Variants in ERC2 observed in about 807,000 individuals in gnomAD.
ERC2 encodes the protein ELKS/RAB6-interacting/CAST family member 2.
In ERC2, 42 loss-of-function variants were observed where a neutral mutation model predicts 114.8. The observed-to-expected ratio is 0.37, with a 90% CI of 0.29 to 0.47. ERC2 has a LOEUF of 0.47. ERC2 is among the 20% of genes least tolerant of loss of function. The probability of loss-of-function intolerance (pLI) is 0.99; values close to 1 mark genes in which losing one functional copy is unlikely to be tolerated. For synonymous variants in ERC2, 454 were observed against 425.5 expected (o/e 1.07, Z -0.82); for missense variants, 939 against 1,150.7 (o/e 0.82, Z 2.66).
intron 17 of ERC2, among the ~76,000 whole-genome samples, chr3:55,603,918 C>T (rs1380895764): frequency 6.6e-6 from 1 of 151,990 alleles, no homozygotes; most frequent in Non-Finnish European, 1.5e-5. Context: ...TGAATAAAGA[C>T]AGTAAAAATA....
intron 14 of ERC2, among the ~76,000 whole-genome samples, chr3:55,812,425 A>G (rs2149130061): frequency 6.6e-6 from 1 of 152,368 alleles, no homozygotes; most frequent in African/African-American, 2.4e-5. Flanking sequence ...AATTATAAAT[A>G]TAAACTAATC....
intron 17 of ERC2, among the ~76,000 whole-genome samples, chr3:55,672,852 CGG>C (rs1322927410): frequency 2.0e-5 from 3 of 152,198 alleles, no homozygotes; most frequent in Admixed American, 6.5e-5. Context: ...CTGCAGGCTT[CGG>C]GGCGTAGGAG....
At chr3:55,600,003 G>A (rs2148524724) in intron 17 of ERC2, among the ~76,000 whole-genome samples, 1 of 152,232 alleles carries the variant, frequency 6.6e-6, no homozygotes, top group East Asian at 1.9e-4. Flanking sequence ...AAAATGGAAG[G>A]GAATTGACCA....
intron 1 of ERC2, among the ~76,000 whole-genome samples, chr3:56,450,600 G>A (rs2062784796): frequency 6.6e-6 from 1 of 152,164 alleles, no homozygotes; most frequent in Admixed American, 6.5e-5. Context: ...ACCAAGGTGG[G>A]AGGATCACTT....
chr3:55,700,993 G>A (rs1388847724), intron 15 of ERC2, among the ~76,000 whole-genome samples: 1 of 152,132 alleles, frequency 6.6e-6, no homozygotes, highest in Middle Eastern at 3.2e-3. Flanking sequence ...ACGGAGAGTT[G>A]AGGACATTTC....
At position 55,717,492 on chromosome 3, in the gene ERC2, C is replaced by T. The variant is rs577511451; in HGVS notation, c.2712+17279G>A. On this transcript the variant is annotated intron_variant, in intron 15 of 17. Coordinates refer to ENST00000288221, the MANE Select transcript of ERC2 (RefSeq NM_015576.3). ...CCCTCAGGGATGCCTCTCTGGGGTC[C>T]AGGGAAGCTTTCATGCCCGTAAAGA... is the stretch of plus-strand genomic sequence containing the variant. 7.9e-5 allele frequency among the ~76,000 whole-genome samples: 12 copies of T among 152,290 alleles called. No homozygotes were observed. In the South Asian group the frequency reaches 2.5e-3, roughly 32 times the overall value.
chr3:56,081,636 A>G (rs2077237935), intron 6 of ERC2, among the ~76,000 whole-genome samples: 1 of 152,174 alleles, frequency 6.6e-6, no homozygotes, highest in Admixed American at 6.5e-5. Context: ...TTTAAAAAAA[A>G]TATAATTCCT....
chr3:55,841,827 T>C (rs970836844), intron 14 of ERC2, among the ~76,000 whole-genome samples: 12 of 152,180 alleles, frequency 7.9e-5, no homozygotes, highest in African/African-American at 2.9e-4. Flanking sequence ...GGCCGCATAG[T>C]GTTGGGGATC....
chr3:56,105,025 G>T (rs1265686125), intron 6 of ERC2, among the ~76,000 whole-genome samples: 2 of 152,158 alleles, frequency 1.3e-5, no homozygotes, highest in Non-Finnish European at 2.9e-5. Flanking sequence ...AGGACTTGAA[G>T]GAGGCAAGAG....
chr3:55,562,841 T>C (rs1264616812), intron 17 of ERC2, among the ~76,000 whole-genome samples: 1 of 152,092 alleles, frequency 6.6e-6, no homozygotes, highest in Non-Finnish European at 1.5e-5. Flanking sequence ...AAAAAAAAGA[T>C]CATGATATGA....
chr3:56,056,109 A>C (rs1259417106), intron 7 of ERC2, among the ~76,000 whole-genome samples: 7 of 152,188 alleles, frequency 4.6e-5, no homozygotes, highest in Non-Finnish European at 1.0e-4. Context: ...TTACTGAGTG[A>C]TGTCCACATA....
At chr3:56,049,171 T>C (rs541378229) in intron 7 of ERC2, among the ~76,000 whole-genome samples, 1 of 152,268 alleles carries the variant, frequency 6.6e-6, no homozygotes, top group East Asian at 1.9e-4. Flanking sequence ...ATTTTGAGCA[T>C]AGAGATAGCA....
chr3:55,517,203 G>A (rs946130054), intron 17 of ERC2, among the ~76,000 whole-genome samples: 5 of 152,102 alleles, frequency 3.3e-5, no homozygotes. Flanking sequence ...CACTTCGGGA[G>A]GCAGAGGCGG....
chr3:56,081,074 G>A, intron 6 of ERC2, 90 bp from the exon 7 acceptor site: 1 of 1,399,592 alleles, frequency 7.1e-7, no homozygotes, highest in East Asian at 2.4e-5. Context: ...CAGGGCAGCA[G>A]CATGTTTACT....
chr3:55,852,362 C>T (rs971167504), intron 14 of ERC2: 2 of 154,624 alleles, frequency 1.3e-5, no homozygotes, highest in Admixed American at 1.3e-4. Flanking sequence ...ATACAAATCC[C>T]TTATTTTATA....
chr3:56,290,937 C>T (rs2055045172), intron 3 of ERC2, among the ~76,000 whole-genome samples: 2 of 152,134 alleles, frequency 1.3e-5, no homozygotes, highest in Admixed American at 1.3e-4. Flanking sequence ...TCTTCTGGCC[C>T]TGCTACCAAA....
At chr3:55,849,047 G>T (rs897561335) in intron 14 of ERC2, among the ~76,000 whole-genome samples, 4 of 152,038 alleles carry the variant, frequency 2.6e-5, no homozygotes, top group Non-Finnish European at 4.4e-5. Context: ...CATCTGCCAG[G>T]CTCTATGGTA....
intron 1 of ERC2, among the ~76,000 whole-genome samples, chr3:56,445,221 C>T (rs1041240645): frequency 3.3e-5 from 5 of 152,190 alleles, no homozygotes; most frequent in African/African-American, 1.2e-4. Flanking sequence ...CCTCCACTCC[C>T]ATTATCTTAT....
intron 3 of ERC2, among the ~76,000 whole-genome samples, chr3:56,244,217 C>T (rs774257360): frequency 3.3e-5 from 5 of 152,108 alleles, no homozygotes; most frequent in African/African-American, 4.8e-5. Context: ...AGGCATTACT[C>T]ATGTTTGTGG....
Sources: allele counts gnomAD v4.1 joint callset (sites outside exome capture counted in the v4.1 genomes callset), GRCh38; gene constraint gnomAD v4.1.1; transcripts MANE v1.5; gene names NCBI Gene and HGNC (gene_info 2026-07-23, HGNC 2026-07-21).